The following SATB1 variants were observed in gnomAD, a reference collection of about 807,000 sequenced individuals.
The protein encoded by SATB1 is DNA-binding protein SATB1.
Under a neutral mutation model 86.9 loss-of-function variants are expected in SATB1, and 11 were observed. That is an observed-to-expected ratio of 0.13 (90% CI 0.08 to 0.21). The LOEUF (loss-of-function observed/expected upper bound fraction) is 0.21, where lower values mean the gene tolerates loss of function less well. Among genes scored for constraint, SATB1 ranks in the 10% least tolerant of loss-of-function variants. The pLI is 1.00. For missense variants in SATB1, 551 were observed against 937.6 expected, an observed-to-expected ratio of 0.59 and a Z score of 5.39; for synonymous variants, 357 against 357.2, an observed-to-expected ratio of 1.00 and a Z score of 0.01.
intron 5 of SATB1, among the ~76,000 whole-genome samples, chr3:18,406,466 A>G (rs1335994876): frequency 6.6e-6 from 1 of 152,064 alleles, no homozygotes; most frequent in Non-Finnish European, 1.5e-5. Flanking sequence ...GGTCTCAAAT[A>G]TAATGTAACT....
intron 2 of SATB1, among the ~76,000 whole-genome samples, chr3:18,418,425 C>T (rs1698226023): frequency 6.6e-6 from 1 of 152,148 alleles, no homozygotes. Context: ...GATTCTAGGT[C>T]TGACAAAACC....
chr3:18,415,339 A>G, intron 4 of SATB1, 105 bp from the exon 5 acceptor site: 2 of 1,292,228 alleles, frequency 1.5e-6, no homozygotes, highest in Non-Finnish European at 2.2e-6. Context: ...AAACAGATGC[A>G]TCTGGAGATT....
chr3:18,389,260 G>A (rs1559424824), intron 7 of SATB1, among the ~76,000 whole-genome samples: 1 of 110,748 alleles, frequency 9.0e-6, no homozygotes, highest in African/African-American at 3.5e-5. Flanking sequence ...GAAACCTTTG[G>A]GTTTTTTTTT....
At chr3:18,372,451 C>G (rs531384488) in intron 9 of SATB1, among the ~76,000 whole-genome samples, 1 of 152,088 alleles carries the variant, frequency 6.6e-6, no homozygotes, top group African/African-American at 2.4e-5. Flanking sequence ...AGAAGCAACA[C>G]GATAACCAGA....
At position 18,352,230 on chromosome 3, in the gene SATB1, CTA is replaced by C; in HGVS notation, c.1576-37_1576-36del. On this transcript the variant is annotated intron_variant, in intron 9 of 10. Coordinates refer to ENST00000338745, the MANE Select transcript of SATB1 (RefSeq NM_002971.6). This position sits in a 1 kb window ranked among gnomAD's most constrained non-coding sequence, Gnocchi z 4.1. ...AAGGGCATAATAGGTCAGTTTGTGC[CTA>C]TGAGAGGGGCTGGCATTTTCCATTA... is the stretch of plus-strand genomic sequence containing the variant. The C allele has an allele frequency of 6.3e-7, 1 of 1,591,962 alleles. No individual in the cohort carries two copies. The highest frequency in any genetic ancestry group is 8.6e-7 in the Non-Finnish European group (1 of 1,161,278).
intron 2 of SATB1, among the ~76,000 whole-genome samples, chr3:18,419,703 T>C (rs1030572751): frequency 1.3e-5 from 2 of 152,224 alleles, no homozygotes; most frequent in East Asian, 1.9e-4. Flanking sequence ...TTAAGATGCA[T>C]ACATTCTTGG....
intron 2 of SATB1, among the ~76,000 whole-genome samples, chr3:18,435,891 A>C (rs1380946940): frequency 1.3e-5 from 2 of 152,200 alleles, no homozygotes; most frequent in Admixed American, 1.3e-4. Flanking sequence ...CAGAATGTGC[A>C]TGATAATGTA....
chr3:18,386,272 A>G lies in SATB1; in HGVS notation c.1419+127T>C. 4 of 740,704 alleles carry G rather than the reference A, an allele frequency of 5.4e-6. No individual in the cohort carries two copies. The highest frequency in any genetic ancestry group is 8.8e-6 in the Non-Finnish European group (4 of 452,430). 45.9% of individuals were successfully genotyped at this position (740,704 alleles called of 1,614,324 possible). Reference sequence around the variant, plus strand: ...ATGATTTGGGACCAAATTCTCCTCAAGCAACTATACGAATTTAAAAACATA... The same window carrying G: ...ATGATTTGGGACCAAATTCTCCTCAGGCAACTATACGAATTTAAAAACATA... On this transcript the variant is annotated intron_variant, in intron 8 of 10. Coordinates refer to ENST00000338745, the MANE Select transcript of SATB1 (RefSeq NM_002971.6). The surrounding 1 kb of genome is among the most constrained non-coding windows in gnomAD (Gnocchi z 4.5).
chr3:18,345,913 A>T lies in SATB1; in HGVS notation c.*3257T>A, dbSNP rs190035331. ...AGAATTTAATAATGGAATGTATGGGATTCTCATTTTTACTCAATCTTGAAT... is the reference window on the plus strand; with the variant it reads ...AGAATTTAATAATGGAATGTATGGGTTTCTCATTTTTACTCAATCTTGAAT... On this transcript the variant is annotated 3_prime_UTR_variant, in exon 11 of 11. Transcript: ENST00000338745. 134 of 152,236 alleles carry T rather than the reference A, an allele frequency of 8.8e-4. No individual in the cohort carries two copies. Among genetic ancestry groups the T allele is most frequent in the African/African-American group, 3.0e-3 (125 of 41,558 alleles). The allele number at this position is 152,236 out of a possible 1,614,324, so 9.4% of individuals were successfully genotyped here.
chr3:18,416,192 T>TAGATATATTC, intron 3 of SATB1, 59 bp from the exon 4 acceptor site: 1 of 1,385,090 alleles, frequency 7.2e-7, no homozygotes, highest in South Asian at 1.4e-5. Context: ...ATATATCTAC[T>TAGATATATTC]AGAAGGGTGT....
chr3:18,361,295 G>A (rs550078993), intron 9 of SATB1, among the ~76,000 whole-genome samples: 131 of 152,178 alleles, frequency 8.6e-4, no homozygotes, highest in African/African-American at 3.1e-3. Context: ...TCTATAAAAT[G>A]GGGTCTAATT....
intron 2 of SATB1, among the ~76,000 whole-genome samples, chr3:18,431,213 A>G (rs1211404626): frequency 1.3e-5 from 2 of 152,106 alleles, no homozygotes; most frequent in Non-Finnish European, 2.9e-5. Context: ...TTTTTCCTGT[A>G]GCTCGTGGAG....
upstream of SATB1, among the ~76,000 whole-genome samples, chr3:18,440,480 T>C (rs1009557529): frequency 2.0e-5 from 3 of 152,176 alleles, no homozygotes; most frequent in Non-Finnish European, 2.9e-5. Flanking sequence ...GTGACAGGAA[T>C]ATAAATACGT....
rs1351125511 is a variant in SATB1, at chr3:18,346,154, ACT to A, written c.*3014_*3015del. 7 of 152,130 alleles carry A rather than the reference ACT, an allele frequency of 4.6e-5. No individual in the cohort carries two copies. Among genetic ancestry groups the A allele is most frequent in the Non-Finnish European group, 5.9e-5 (4 of 67,986 alleles). 9.4% of individuals were successfully genotyped at this position (152,130 alleles called of 1,614,324 possible). ...TTACCTTGGTTTTCAAAGGTTGTCA[ACT>A]CTGCATATTGTGTGGCAAGGAGATA... On this transcript the variant is annotated 3_prime_UTR_variant, in exon 11 of 11. Coordinates refer to ENST00000338745, the MANE Select transcript of SATB1 (RefSeq NM_002971.6).
chr3:18,430,182 T>C (rs778583319), upstream of SATB1, among the ~76,000 whole-genome samples: 16 of 152,170 alleles, frequency 1.1e-4, no homozygotes, highest in Non-Finnish European at 1.6e-4. Flanking sequence ...GAAAGTTCCA[T>C]TGGACAGTGC....
Position 18,394,313 on chromosome 3 carries a change from G to A in SATB1, c.1206+149C>T, listed in dbSNP as rs1575134702. On this transcript the variant is annotated intron_variant, in intron 7 of 10. Transcript: ENST00000338745. This position sits in a 1 kb window ranked among gnomAD's most constrained non-coding sequence, Gnocchi z 5.9. ...TCATAGGAAAAGGAGTGGTAAAATT[G>A]AGGCTCCACCAGGAATAGGTAATAT... The A allele has an allele frequency of 2.9e-6, 2 of 689,410 alleles. No individual in the cohort carries two copies. Among genetic ancestry groups the A allele is most frequent in the East Asian group, 2.7e-5 (1 of 36,932 alleles). The allele number at this position is 689,410 out of a possible 1,614,324, so 42.7% of individuals were successfully genotyped here. A position where few individuals can be genotyped will look rare whatever the true frequency, so the allele number is the denominator to read the frequency against.
chr3:18,386,787 C>T lies in SATB1; in HGVS notation c.1207-176G>A, dbSNP rs1696367138. 6.6e-6 allele frequency among the ~76,000 whole-genome samples: 1 copy of T among 152,194 alleles called. No homozygotes were observed. On this transcript the variant is annotated intron_variant, in intron 7 of 10. Transcript: ENST00000338745. This position sits in a 1 kb window ranked among gnomAD's most constrained non-coding sequence, Gnocchi z 4.5. ...TAGAGAAGAGAGCCTCAATTGTATT[C>T]TTAATTTTATTAAGCATCTGCTTTA...
intron 9 of SATB1, among the ~76,000 whole-genome samples, chr3:18,358,425 A>T (rs934638605): frequency 1.3e-5 from 2 of 152,038 alleles, no homozygotes; most frequent in African/African-American, 4.8e-5. Flanking sequence ...TGGAATTAGT[A>T]GGAAATGCAT....
Position 18,424,734 on chromosome 3 carries a change from G to C in SATB1, c.-1132C>G, listed in dbSNP as rs990284020. ...AACAACGAGCACCACAATGGCACTA[G>C]GACTTTGGGGGAAAAGAAACCCAGA... On this transcript the variant is annotated 5_prime_UTR_variant, in exon 1 of 11. Transcript: ENST00000338745. 4.6e-5 allele frequency: 7 copies of C among 152,420 alleles called. No homozygotes were observed. Among genetic ancestry groups the C allele is most frequent in the African/African-American group, 1.4e-4 (6 of 41,558 alleles). 9.4% of individuals were successfully genotyped at this position (152,420 alleles called of 1,614,324 possible). A position where few individuals can be genotyped will look rare whatever the true frequency, so the allele number is the denominator to read the frequency against.
Sources: allele counts gnomAD v4.1 joint callset (sites outside exome capture counted in the v4.1 genomes callset), GRCh38; gene constraint gnomAD v4.1.1; non-coding constraint Gnocchi (gnomAD v3.1); transcripts MANE v1.5; gene names NCBI Gene and HGNC (gene_info 2026-07-23, HGNC 2026-07-21).